PCNT: variants seen among roughly 807,000 people sequenced by gnomAD.
PCNT encodes the protein kendrin.
A neutral mutation model predicts 380.4 loss-of-function variants in PCNT; 319 were observed. That is an observed-to-expected ratio of 0.84 (90% CI 0.77 to 0.92). The LOEUF is 0.92. Among genes scored for constraint, PCNT ranks in the 40% least tolerant of loss-of-function variants. PCNT has a pLI of 0.00. For missense variants in PCNT, 4,400 were observed against 4,255.3 expected, an observed-to-expected ratio of 1.03 and a Z score of -0.95; for synonymous variants, 1,845 against 1,735.2, an observed-to-expected ratio of 1.06 and a Z score of -1.57.
chr21:46,342,401 C>T (rs974404249), intron 3 of PCNT, among the ~76,000 whole-genome samples: 3 of 152,048 alleles, frequency 2.0e-5, no homozygotes, highest in African/African-American at 7.2e-5. Context: ...GCCACTGTGC[C>T]TGGTCTCCAT....
At chr21:46,441,854 C>T (rs758405962) in intron 43 of PCNT, among the ~76,000 whole-genome samples, 1 of 152,136 alleles carries the variant, frequency 6.6e-6, no homozygotes, top group Non-Finnish European at 1.5e-5. Flanking sequence ...CCTGTGAGGG[C>T]ACTGCCTAGG....
chr21:46,400,992 C>T (rs1281191215), intron 25 of PCNT, among the ~76,000 whole-genome samples: 1 of 152,236 alleles, frequency 6.6e-6, no homozygotes, highest in Non-Finnish European at 1.5e-5. Context: ...GACAGCTGCT[C>T]CAGGGCGGCT....
chr21:46,428,294 G>C, intron 34 of PCNT, 101 bp from the exon 35 acceptor site: 2 of 1,061,502 alleles, frequency 1.9e-6, no homozygotes, highest in Admixed American at 3.9e-5. Flanking sequence ...GACTCAGCAG[G>C]CTTGTCCCGG....
At chr21:46,327,389 TC>T (rs368100034) in intron 2 of PCNT, among the ~76,000 whole-genome samples, 6 of 71,790 alleles carry the variant, frequency 8.4e-5, no homozygotes, top group Non-Finnish European at 2.1e-4. Flanking sequence ...ATTTGGGTTT[TC>T]TTTTTCTTTT....
At chr21:46,332,032 C>T (rs1426488759) in intron 2 of PCNT, among the ~76,000 whole-genome samples, 2 of 152,086 alleles carry the variant, frequency 1.3e-5, no homozygotes, top group African/African-American at 2.4e-5. Context: ...TCATGGCAGG[C>T]GCCTGTAATC....
chr21:46,431,502 C>G, intron 37 of PCNT, 27 bp from the exon 38 acceptor site: 2 of 1,613,848 alleles, frequency 1.2e-6, no homozygotes, highest in Non-Finnish European at 1.7e-6. Flanking sequence ...GATTCAGTGT[C>G]TCCCATCGTA....
chr21:46,380,281 A>G (rs1007693952), intron 15 of PCNT, among the ~76,000 whole-genome samples: 6 of 144,628 alleles, frequency 4.1e-5, no homozygotes, highest in African/African-American at 1.6e-4. Flanking sequence ...CCTGCCTCAG[A>G]CTCCCGAGTA....
In PCNT at chr21:46,399,719, A is replaced by G; in HGVS notation, c.4714A>G (p.Ile1572Val). The stretch of plus-strand genomic sequence containing the variant: ...AATTAAACGTCTGGAGGAGATGAAC[A>G]TCAACATCAGGAAAAAAGTGGCCCA... Reference protein sequence around the residue: ...EEIKRLEEMNINIRKKVAQLQ... With the variant: ...EEIKRLEEMNVNIRKKVAQLQ... Residue 1572 changes from isoleucine to valine, a missense_variant, in exon 25 of 47, where the codon ATC becomes GTC. Physicochemically the swap from Ile to Val is conservative, Grantham distance 29. Transcript: ENST00000359568. The G allele has an allele frequency of 6.2e-7, 1 of 1,614,158 alleles. No homozygotes were observed. The highest frequency in any genetic ancestry group is 8.5e-7 in the Non-Finnish European group (1 of 1,179,982).
chr21:46,430,580 C>T lies in PCNT; in HGVS notation c.7987C>T (p.Arg2663Cys), dbSNP rs754927331. ...GCTGGAGAGTGAGCAGGGGAAGGGG[C>T]GTGCCCTGCAGAGCCAGCTGGAGGA... The part of the protein sequence containing the change: ...QELESEQGKG[R>C]ALQSQLEEEQ... Residue 2663 changes from arginine (R) to cysteine (C), a missense_variant, in exon 37 of 47, where the codon CGT becomes TGT. Transcript: ENST00000359568. 6 of 1,562,286 alleles carry T rather than the reference C, an allele frequency of 3.8e-6. No individual in the cohort carries two copies. Among genetic ancestry groups the T allele is most frequent in the East Asian group, 2.4e-5 (1 of 42,132 alleles).
chr21:46,394,742 T>A (rs1229911212), intron 21 of PCNT, among the ~76,000 whole-genome samples: 1 of 152,228 alleles, frequency 6.6e-6, no homozygotes, highest in African/African-American at 2.4e-5. Flanking sequence ...TCTAACGGTC[T>A]TTACTACAGT....
In PCNT at chr21:46,411,959, C is replaced by G. The variant is rs775869835; in HGVS notation, c.5886C>G (p.Pro1962=). 5 of 1,599,122 alleles carry G rather than the reference C, an allele frequency of 3.1e-6. No homozygotes were observed. The highest frequency in any genetic ancestry group is 4.2e-6 in the Non-Finnish European group (5 of 1,179,248). ...ARRATAHTRV[P]GAHPQPRMDG... Reference sequence around the variant, plus strand: ...GAGCCACAGCTCACACACGGGTGCCCGGGGCCCACCCACAGCCTCGCATGG... The same window carrying G: ...GAGCCACAGCTCACACACGGGTGCCGGGGGCCCACCCACAGCCTCGCATGG... Residue 1962 remains proline (P), a synonymous_variant, in exon 28 of 47, where the codon CCC becomes CCG. Transcript: ENST00000359568.
intron 41 of PCNT, among the ~76,000 whole-genome samples, chr21:46,438,722 G>C (rs915609982): frequency 1.4e-5 from 2 of 143,178 alleles, no homozygotes; most frequent in Non-Finnish European, 3.0e-5. Flanking sequence ...GCCCAGGCTA[G>C]AGTGCAGTGG....
chr21:46,324,213 G>A lies in PCNT; in HGVS notation c.-16G>A, dbSNP rs138595914. 5.6e-6 allele frequency: 9 copies of A among 1,607,620 alleles called. No homozygotes were observed. In the African/African-American group the frequency reaches 6.7e-5, roughly 12 times the overall value. ...GCCCCGTCACCGCCGGGCGGCCCGC[G>A]CGGAGTCTGAGGGAGATGGAAGTTG... On this transcript the variant is annotated 5_prime_UTR_variant, in exon 1 of 47. Coordinates refer to ENST00000359568, the MANE Select transcript of PCNT (RefSeq NM_006031.6).
chr21:46,368,918 G>C (rs1016753443), intron 15 of PCNT, among the ~76,000 whole-genome samples: 2 of 152,260 alleles, frequency 1.3e-5, no homozygotes, highest in Admixed American at 1.3e-4. Flanking sequence ...TGCCACGGGA[G>C]GGCTTCCTCC....
rs143253402 is a variant in PCNT at position 46,381,695 on chromosome 21, G to A, written c.3167G>A (p.Gly1056Asp). Residue 1056 changes from glycine (G) to aspartate (D), a missense_variant and splice_region_variant, in exon 16 of 47, where the codon GGT (glycine) becomes GAT (aspartate). By Grantham distance (94) the Gly-to-Asp change is moderately conservative. Transcript: ENST00000359568. ...VAHELQGVHQGEFGSEKKTAL... is the reference protein window; with the variant it reads ...VAHELQGVHQDEFGSEKKTAL... ...TTTTATTGTTATTGATGTGTACAGG[G>A]TGAATTTGGAAGTGAAAAGAAAACT... 4.2e-5 allele frequency: 67 copies of A among 1,613,368 alleles called. No homozygotes were observed. The East Asian group carries it at 1.3e-3, about 31-fold the overall frequency.
chr21:46,388,781 G>A lies in PCNT; in HGVS notation c.3504G>A (p.Leu1168=). The change falls in exon 18 of 47, where the codon TTG becomes TTA. Residue 1168 remains leucine (L), a synonymous_variant. Coordinates refer to ENST00000359568, the MANE Select transcript of PCNT (RefSeq NM_006031.6). The surrounding 1 kb of genome is among the most constrained non-coding windows in gnomAD (Gnocchi z 4.2). ...LQDALRRLLG[L]FGETLRAAVT... is the part of the protein sequence containing the mutation. ...ACGCCCTGCGCAGGCTGCTGGGTTT[G>A]TTTGGAGAGACGCTGAGGGCAGCCG... 2 of 1,613,840 alleles carry A rather than the reference G, an allele frequency of 1.2e-6. No individual in the cohort carries two copies. The highest frequency in any genetic ancestry group is 2.2e-5 in the South Asian group (2 of 91,078).
At chr21:46,431,244 G>A (rs2087750886) in intron 37 of PCNT, 1 of 1,293,602 alleles carries the variant, frequency 7.7e-7, no homozygotes, top group Non-Finnish European at 9.9e-7. Flanking sequence ...GAGGGGGCGG[G>A]CAGGGGACAT....
chr21:46,415,855 G>A (rs1342478840), intron 29 of PCNT, among the ~76,000 whole-genome samples: 5 of 152,208 alleles, frequency 3.3e-5, no homozygotes, highest in Middle Eastern at 3.4e-3. Context: ...CTCAATCACC[G>A]CAGAAATAGG....
intron 19 of PCNT, among the ~76,000 whole-genome samples, chr21:46,390,062 G>C (rs1051251424): frequency 6.6e-6 from 1 of 152,264 alleles, no homozygotes; most frequent in Admixed American, 6.5e-5. Flanking sequence ...CAACCCATCC[G>C]GAGGGTCTTC....
Sources: gnomAD v4.1 joint callset for allele counts (sites outside exome capture counted in the v4.1 genomes callset) on GRCh38, gnomAD v4.1.1 for gene constraint, Gnocchi (gnomAD v3.1) non-coding constraint, MANE v1.5 for transcripts, NCBI Gene and HGNC (gene_info 2026-07-23, HGNC 2026-07-21) for gene names.